ARHGEF3: variants seen among roughly 807,000 people sequenced by gnomAD.
The protein encoded by ARHGEF3 is Rho guanine nucleotide exchange factor 3.
In ARHGEF3, 28 loss-of-function variants were observed where a neutral mutation model predicts 63.2. The observed-to-expected ratio is 0.44, with a 90% CI of 0.33 to 0.61. The LOEUF (loss-of-function observed/expected upper bound fraction) is 0.61, where lower values mean the gene tolerates loss of function less well. Among genes scored for constraint, ARHGEF3 ranks in the 20% least tolerant of loss-of-function variants. The probability of loss-of-function intolerance (pLI) is 0.03; values close to 1 mark genes in which losing one functional copy is unlikely to be tolerated. For missense variants in ARHGEF3, 533 were observed against 659.3 expected (o/e 0.81, Z 2.10); for synonymous variants, 266 against 254.2 (o/e 1.05, Z -0.44).
chr3:56,732,549 C>G (rs1211468219), intron 8 of ARHGEF3, 125 bp from the exon 9 acceptor site: 1 of 1,112,756 alleles, frequency 9.0e-7, no homozygotes, highest in Admixed American at 2.2e-5. Flanking sequence ...CTCCTAGGTT[C>G]AAATCTACCT....
chr3:56,981,685 C>T (rs1701333153), intron 2 of ARHGEF3, among the ~76,000 whole-genome samples: 2 of 152,320 alleles, frequency 1.3e-5, no homozygotes, highest in Admixed American at 1.3e-4. Flanking sequence ...GCTGACCACC[C>T]TCATTTAGGG....
rs183980228 is a variant in ARHGEF3, at chr3:56,741,707, G to C, written c.870+3498C>G. 4.2e-4 allele frequency among the ~76,000 whole-genome samples: 64 copies of C among 151,044 alleles called. 1 individual carries two copies. In the East Asian group the frequency reaches 8.9e-3, roughly 21 times the overall value. On this transcript the variant is annotated intron_variant, in intron 7 of 9. Coordinates refer to ENST00000296315, the MANE Select transcript of ARHGEF3 (RefSeq NM_019555.3). Reference sequence around the variant, plus strand: ...TTTAGTAGAGACGGGGTTTCACTGTGTTAGCCAAGATGGTCTCGATCTCCT... The same window carrying C: ...TTTAGTAGAGACGGGGTTTCACTGTCTTAGCCAAGATGGTCTCGATCTCCT...
At chr3:56,964,018 G>A (rs1023986506) in intron 2 of ARHGEF3, among the ~76,000 whole-genome samples, 1 of 152,150 alleles carries the variant, frequency 6.6e-6, no homozygotes, top group African/African-American at 2.4e-5. Context: ...TGCCATGGCT[G>A]CAACTCCAAC....
chr3:56,992,024 C>CTCTCTCTCTGTGTGTGTGTG (rs1239113895), intron 2 of ARHGEF3, among the ~76,000 whole-genome samples: 9 of 131,636 alleles, frequency 6.8e-5, no homozygotes, highest in African/African-American at 2.0e-4. Context: ...CCTCCTCTCT[C>CTCTCTCTCTGTGTGTGTGTG]TGTGTGTGTG....
intron 2 of ARHGEF3, among the ~76,000 whole-genome samples, chr3:57,032,876 C>A (rs954200913): frequency 5.9e-5 from 9 of 152,074 alleles, no homozygotes; most frequent in Admixed American, 5.9e-4. Context: ...AACGTAGCAA[C>A]CACTCCTGGG....
chr3:57,002,398 T>C (rs1261907671), intron 2 of ARHGEF3, among the ~76,000 whole-genome samples: 5 of 122,982 alleles, frequency 4.1e-5, no homozygotes, highest in Non-Finnish European at 7.0e-5. Context: ...AATGCACTTA[T>C]TATATGCCAG....
intron 2 of ARHGEF3, among the ~76,000 whole-genome samples, chr3:57,009,633 G>A (rs1018070294): frequency 6.6e-6 from 1 of 152,146 alleles, no homozygotes; most frequent in Non-Finnish European, 1.5e-5. Flanking sequence ...ACACTGCTGC[G>A]GGAAACAAAT....
intron 2 of ARHGEF3, among the ~76,000 whole-genome samples, chr3:56,968,059 A>ATATG (rs1700679162): frequency 2.6e-4 from 2 of 7,588 alleles, no homozygotes; most frequent in South Asian, 7.9e-3. Context: ...TATAATATAT[A>ATATG]TAATATATAT....
intron 2 of ARHGEF3, among the ~76,000 whole-genome samples, chr3:56,766,379 A>G (rs1294929584): frequency 6.6e-6 from 1 of 152,206 alleles, no homozygotes; most frequent in Non-Finnish European, 1.5e-5. Context: ...TGCCATAGCA[A>G]TACTTCCTGG....
At chr3:56,756,661 T>C (rs2035088338) in intron 2 of ARHGEF3, among the ~76,000 whole-genome samples, 1 of 151,698 alleles carries the variant, frequency 6.6e-6, no homozygotes, top group African/African-American at 2.4e-5. Flanking sequence ...GCCACTCTCT[T>C]GCTTCAGCCT....
chr3:56,873,969 C>T (rs188788635), intron 4 of ARHGEF3, among the ~76,000 whole-genome samples: 9 of 152,232 alleles, frequency 5.9e-5, no homozygotes, highest in Non-Finnish European at 7.4e-5. Context: ...CATTCATATC[C>T]GAGAGTGTGT....
chr3:57,073,800 G>A (rs530541970), intron 1 of ARHGEF3: 66 of 1,614,216 alleles, frequency 4.1e-5, no homozygotes, highest in Non-Finnish European at 5.4e-5. Context: ...GCCACCCAGA[G>A]GCCTTGGGTC....
At position 56,737,286 on chromosome 3, in the gene ARHGEF3, T is replaced by A. The variant is rs749489851; in HGVS notation, c.940A>T (p.Lys314Ter). 1 of 1,613,246 alleles carries A rather than the reference T, an allele frequency of 6.2e-7. No individual in the cohort carries two copies. The highest frequency in any genetic ancestry group is 1.1e-5 in the South Asian group (1 of 91,068). ...TCTTCCAAGTAAAGAAGCCGCTCTT[T>A]ATAATAGCGGCATTCAGATTCACCA... is the stretch of plus-strand genomic sequence containing the variant. ...KTGESECRYY[K>*]ERLLYLEEGQ... The change falls in exon 8 of 10, where the codon AAA becomes TAA. Residue 314 changes from lysine to a stop codon, truncating the protein, a stop_gained. Transcript: ENST00000296315. LOFTEE classifies it high-confidence loss of function.
chr3:56,794,948 T>G (rs1025880257), intron 1 of ARHGEF3, among the ~76,000 whole-genome samples: 9 of 151,982 alleles, frequency 5.9e-5, no homozygotes, highest in Admixed American at 6.6e-5. Context: ...AGCCTCAAAC[T>G]CCCTGGCTCC....
At chr3:56,959,541 C>T (rs1310347778) in intron 2 of ARHGEF3, among the ~76,000 whole-genome samples, 2 of 152,150 alleles carry the variant, frequency 1.3e-5, no homozygotes, top group African/African-American at 2.4e-5. Flanking sequence ...TACAGGAATA[C>T]CTTTTTCAAT....
intron 2 of ARHGEF3, among the ~76,000 whole-genome samples, chr3:57,033,602 A>C (rs1459751090): frequency 1.3e-5 from 2 of 152,062 alleles, no homozygotes; most frequent in South Asian, 2.1e-4. Flanking sequence ...ATAACTAACA[A>C]AGTTATGGAA....
intron 2 of ARHGEF3, among the ~76,000 whole-genome samples, chr3:56,971,486 C>T (rs536793022): frequency 2.0e-5 from 3 of 151,984 alleles, no homozygotes; most frequent in South Asian, 2.1e-4. Context: ...AAGAGGATAC[C>T]GGCCATGAGG....
intron 4 of ARHGEF3, among the ~76,000 whole-genome samples, chr3:56,811,286 T>G (rs899375572): frequency 6.6e-6 from 1 of 152,018 alleles, no homozygotes; most frequent in African/African-American, 2.4e-5. Context: ...AGCATTTACG[T>G]TTTTAAAAAA....
chr3:57,003,577 T>C (rs922396640), intron 2 of ARHGEF3, among the ~76,000 whole-genome samples: 8 of 151,952 alleles, frequency 5.3e-5, no homozygotes, highest in African/African-American at 1.5e-4. Context: ...GATGTCCCCA[T>C]CCTAATTCCC....
Sources: allele counts gnomAD v4.1 joint callset (sites outside exome capture counted in the v4.1 genomes callset), GRCh38; gene constraint gnomAD v4.1.1; transcripts MANE v1.5; gene names NCBI Gene and HGNC (gene_info 2026-07-23, HGNC 2026-07-21).